Variants in GPR158 observed in about 807,000 individuals in gnomAD.
The protein encoded by GPR158 is G protein-coupled receptor 158.
Under a neutral mutation model 78.2 loss-of-function variants are expected in GPR158, and 30 were observed. The ratio of observed to expected loss-of-function variants is 0.38; its 90% CI spans 0.29 to 0.52. GPR158 has a LOEUF of 0.52. GPR158 is among the 20% of genes least tolerant of loss of function. The pLI is 0.83. For missense variants in GPR158, 1,463 were observed against 1,523.5 expected (o/e 0.96, Z 0.66); for synonymous variants, 581 against 591.1 (o/e 0.98, Z 0.25).
intron 2 of GPR158, among the ~76,000 whole-genome samples, chr10:25,294,199 A>T (rs554406644): frequency 1.3e-5 from 2 of 152,358 alleles, no homozygotes; most frequent in African/African-American, 2.4e-5. Flanking sequence ...ATCTGAACTA[A>T]GAGAGGGACT....
intron 1 of GPR158, among the ~76,000 whole-genome samples, chr10:25,180,837 A>G (rs1270524573): frequency 1.3e-5 from 2 of 152,084 alleles, no homozygotes; most frequent in African/African-American, 2.4e-5. Context: ...GAGGAAACCA[A>G]GTGAATGTTA....
chr10:25,283,537 G>T (rs1380887608), intron 2 of GPR158, among the ~76,000 whole-genome samples: 4 of 151,896 alleles, frequency 2.6e-5, no homozygotes, highest in Non-Finnish European at 5.9e-5. Context: ...GCATAAATGG[G>T]TTAATGTTGT....
At chr10:25,433,571 G>GA (rs1564454635) in intron 4 of GPR158, among the ~76,000 whole-genome samples, 1 of 53,076 alleles carries the variant, frequency 1.9e-5, no homozygotes, top group Non-Finnish European at 7.4e-5. Flanking sequence ...GTGTGTGTGT[G>GA]CGCGCGCGCG....
intron 5 of GPR158, among the ~76,000 whole-genome samples, chr10:25,502,820 C>A (rs1458025506): frequency 6.6e-6 from 1 of 152,098 alleles, no homozygotes; most frequent in Non-Finnish European, 1.5e-5. Flanking sequence ...TTTCTATAGG[C>A]ACTGGAATGG....
At chr10:25,225,569 C>T (rs1853362098) in intron 2 of GPR158, among the ~76,000 whole-genome samples, 3 of 152,114 alleles carry the variant, frequency 2.0e-5, no homozygotes, top group African/African-American at 7.2e-5. Flanking sequence ...CAAGGCTTAA[C>T]AGCTTATGTT....
chr10:25,457,454 T>C (rs1261780083), intron 4 of GPR158, among the ~76,000 whole-genome samples: 1 of 151,852 alleles, frequency 6.6e-6, no homozygotes, highest in Non-Finnish European at 1.5e-5. Context: ...TTTTTTTTCA[T>C]TTAGAGAATT....
chr10:25,368,572 G>C (rs763526736), intron 2 of GPR158, among the ~76,000 whole-genome samples: 1 of 151,784 alleles, frequency 6.6e-6, no homozygotes, highest in Non-Finnish European at 1.5e-5. Context: ...ATTATTAAAA[G>C]TCAAAAAATA....
intron 4 of GPR158, among the ~76,000 whole-genome samples, chr10:25,456,070 G>A (rs778596813): frequency 3.9e-5 from 6 of 151,996 alleles, no homozygotes; most frequent in Non-Finnish European, 5.9e-5. Flanking sequence ...AATAACAATC[G>A]CTACCCTACA....
chr10:25,233,418 T>A (rs1429300944), intron 2 of GPR158, among the ~76,000 whole-genome samples: 1 of 152,160 alleles, frequency 6.6e-6, no homozygotes, highest in African/African-American at 2.4e-5. Context: ...AATTTCATGA[T>A]CACCTGGAGG....
intron 1 of GPR158, among the ~76,000 whole-genome samples, chr10:25,189,913 G>C (rs979796034): frequency 6.6e-6 from 1 of 150,828 alleles, no homozygotes; most frequent in Non-Finnish European, 1.5e-5. Context: ...GGGAAGGGGG[G>C]TACAGTTTGG....
intron 6 of GPR158, among the ~76,000 whole-genome samples, chr10:25,552,749 T>C (rs11014604): frequency 0.27 from 40,670 of 152,112 alleles, 6,649 homozygotes; most frequent in Non-Finnish European, 0.36. Flanking sequence ...CATATTCCCC[T>C]GACTCACTGT....
intron 5 of GPR158, among the ~76,000 whole-genome samples, chr10:25,467,888 C>T (rs116042913): frequency 0.017 from 2,515 of 152,184 alleles, 77 homozygotes; most frequent in African/African-American, 0.058. Context: ...ACTAGTTTCC[C>T]GCTTCTGCCT....
chr10:25,226,022 T>A (rs1295691231), intron 2 of GPR158, among the ~76,000 whole-genome samples: 1 of 152,180 alleles, frequency 6.6e-6, no homozygotes, highest in Non-Finnish European at 1.5e-5. Flanking sequence ...TTAGTTTAAC[T>A]TTTCATTTAC....
intron 3 of GPR158, among the ~76,000 whole-genome samples, chr10:25,409,259 G>C (rs1225488547): frequency 6.6e-6 from 1 of 152,104 alleles, no homozygotes; most frequent in Non-Finnish European, 1.5e-5. Context: ...GTCTGTGACT[G>C]TTCTATCCTC....
rs1365433744 is a variant in GPR158 at position 25,431,027 on chromosome 10, T to G, written c.1335+18554T>G. 5.0e-3 allele frequency among the ~76,000 whole-genome samples: 729 copies of G among 145,784 alleles called. 9 individuals are homozygous for G. The highest frequency in any genetic ancestry group is 0.018 in the African/African-American group (705 of 39,348). ...ATTGACAAATGGGATCTAATTAAAT[T>G]AAAGAGCTTCTGCACAGCAAAAGAA... On this transcript the variant is annotated intron_variant, in intron 4 of 10. Coordinates refer to ENST00000376351, the MANE Select transcript of GPR158 (RefSeq NM_020752.3).
chr10:25,485,785 AT>A (rs1835727564), intron 5 of GPR158, among the ~76,000 whole-genome samples: 1 of 152,052 alleles, frequency 6.6e-6, no homozygotes. Context: ...ACTGAGATTT[AT>A]TTTCAGTGCT....
intron 5 of GPR158, among the ~76,000 whole-genome samples, chr10:25,479,627 C>G (rs3005194): frequency 0.44 from 66,345 of 151,810 alleles, 15,482 homozygotes; most frequent in East Asian, 0.74. Context: ...GTTGGCCAGG[C>G]TGGTCTCGAA....
chr10:25,544,565 C>T (rs1009171823), intron 5 of GPR158, among the ~76,000 whole-genome samples: 8 of 152,092 alleles, frequency 5.3e-5, no homozygotes, highest in African/African-American at 1.4e-4. Context: ...TGATAGCTAT[C>T]AGTATATCAC....
chr10:25,600,423 G>C lies in GPR158; in HGVS notation c.*1149G>C, dbSNP rs185560243. ...TATAGCAGTACTATAAACCCAGGAA[G>C]TTTGCCTTTCAAAAAAAAACACAGG... On this transcript the variant is annotated 3_prime_UTR_variant, in exon 11 of 11. Coordinates refer to ENST00000376351, the MANE Select transcript of GPR158 (RefSeq NM_020752.3). The C allele has an allele frequency of 2.6e-4, 39 of 152,192 alleles. No homozygotes were observed. The highest frequency in any genetic ancestry group is 8.7e-4 in the African/African-American group (36 of 41,454). 9.4% of individuals were successfully genotyped at this position (152,192 alleles called of 1,614,324 possible). A position where few individuals can be genotyped will look rare whatever the true frequency, so the allele number is the denominator to read the frequency against.
Sources: allele counts gnomAD v4.1 joint callset (sites outside exome capture counted in the v4.1 genomes callset), GRCh38; gene constraint gnomAD v4.1.1; transcripts MANE v1.5; gene names NCBI Gene and HGNC (gene_info 2026-07-23, HGNC 2026-07-21).